The following SLC14A2 variants were observed in gnomAD, a reference collection of about 807,000 sequenced individuals.
SLC14A2 encodes urea transporter 2.
In SLC14A2, 91 loss-of-function variants were observed where a neutral mutation model predicts 104.6. The ratio of observed to expected loss-of-function variants is 0.87; its 90% CI spans 0.73 to 1.04. SLC14A2 has a LOEUF of 1.04. SLC14A2 is among the 50% of genes least tolerant of loss of function. The probability of loss-of-function intolerance (pLI) is 0.00; values close to 1 mark genes in which losing one functional copy is unlikely to be tolerated. For synonymous variants in SLC14A2, 476 were observed against 466.4 expected, an observed-to-expected ratio of 1.02 and a Z score of -0.27; for missense variants, 1,189 against 1,156.0, an observed-to-expected ratio of 1.03 and a Z score of -0.41.
At chr18:45,585,748 C>A (rs1347709753) in intron 2 of SLC14A2, among the ~76,000 whole-genome samples, 2 of 152,192 alleles carry the variant, frequency 1.3e-5, no homozygotes, top group Admixed American at 1.3e-4. Flanking sequence ...TCCCTCCCTA[C>A]TGCAGATACC....
intron 1 of SLC14A2, among the ~76,000 whole-genome samples, chr18:45,241,882 A>G (rs1422412108): frequency 6.6e-6 from 1 of 151,952 alleles, no homozygotes; most frequent in East Asian, 1.9e-4. Flanking sequence ...ACCTCAGGTG[A>G]TTCACCTGCC....
intron 2 of SLC14A2, among the ~76,000 whole-genome samples, chr18:45,565,721 C>A (rs1363280404): frequency 6.6e-6 from 1 of 152,200 alleles, no homozygotes; most frequent in Admixed American, 6.5e-5. Flanking sequence ...ACAGCCAGGG[C>A]TGAATCAGTG....
At chr18:45,606,399 G>A (rs1872359) in intron 2 of SLC14A2, among the ~76,000 whole-genome samples, 109,849 of 151,362 alleles carry the variant, frequency 0.73, 40,046 homozygotes, top group East Asian at 0.85. Context: ...GCAGGGTTGC[G>A]GGAGGGAGCT....
At chr18:45,399,303 A>T (rs76372645) in intron 1 of SLC14A2, among the ~76,000 whole-genome samples, 126 of 152,310 alleles carry the variant, frequency 8.3e-4, no homozygotes, top group African/African-American at 2.9e-3. Context: ...CACATTCCCT[A>T]GGCCTTAGTT....
At chr18:45,390,650 G>C (rs1206904180) in intron 1 of SLC14A2, among the ~76,000 whole-genome samples, 1 of 152,148 alleles carries the variant, frequency 6.6e-6, no homozygotes, top group Non-Finnish European at 1.5e-5. Flanking sequence ...TAGGAGGTGA[G>C]GGTGAATACG....
At chr18:45,195,095 A>G in the SLC14A2 span, among the ~76,000 whole-genome samples, 1 of 152,164 alleles carries the variant, frequency 6.6e-6, no homozygotes, top group Non-Finnish European at 1.5e-5. Context: ...TACTGAAACT[A>G]TTGACTCTGG....
chr18:45,554,183 A>G (rs2044095726), intron 2 of SLC14A2, among the ~76,000 whole-genome samples: 1 of 152,234 alleles, frequency 6.6e-6, no homozygotes, highest in Admixed American at 6.5e-5. Context: ...ACTGGCTTCC[A>G]CGTGATATGA....
chr18:45,553,280 A>T (rs2044081136), intron 2 of SLC14A2, among the ~76,000 whole-genome samples: 1 of 152,212 alleles, frequency 6.6e-6, no homozygotes, highest in East Asian at 1.9e-4. Flanking sequence ...TGTACATACA[A>T]ATAGTTGATT....
chr18:45,524,281 A>G (rs2043559681), intron 2 of SLC14A2, among the ~76,000 whole-genome samples: 1 of 152,236 alleles, frequency 6.6e-6, no homozygotes, highest in South Asian at 2.1e-4. Context: ...AGTGCCCTCA[A>G]CACCTCAACA....
At chr18:45,432,682 G>A (rs1266679718) in intron 1 of SLC14A2, among the ~76,000 whole-genome samples, 1 of 152,138 alleles carries the variant, frequency 6.6e-6, no homozygotes, top group African/African-American at 2.4e-5. Context: ...CATGATTCCT[G>A]CACAGACCTG....
chr18:45,375,924 T>A (rs4890283), intron 1 of SLC14A2, among the ~76,000 whole-genome samples: 1 of 152,154 alleles, frequency 6.6e-6, no homozygotes, highest in Non-Finnish European at 1.5e-5. Flanking sequence ...CAAGCAACAG[T>A]GCATGCCCAC....
chr18:45,185,771 T>G, the SLC14A2 span, among the ~76,000 whole-genome samples: 1 of 152,128 alleles, frequency 6.6e-6, no homozygotes, highest in Non-Finnish European at 1.5e-5. Flanking sequence ...TTATGAGAAC[T>G]AATAAGTGAA....
At chr18:45,347,048 A>G (rs1157864587) in intron 1 of SLC14A2, among the ~76,000 whole-genome samples, 1 of 151,998 alleles carries the variant, frequency 6.6e-6, no homozygotes, top group Non-Finnish European at 1.5e-5. Context: ...CCTCATGATT[A>G]TATTTTCTTT....
intron 1 of SLC14A2, among the ~76,000 whole-genome samples, chr18:45,265,887 G>A (rs1301470013): frequency 6.6e-6 from 1 of 152,098 alleles, no homozygotes; most frequent in Non-Finnish European, 1.5e-5. Flanking sequence ...TACGTGCTAG[G>A]GAGAGAACAG....
At chr18:45,169,545 C>T in the SLC14A2 span, among the ~76,000 whole-genome samples, 6 of 152,172 alleles carry the variant, frequency 3.9e-5, no homozygotes, top group African/African-American at 1.4e-4. Flanking sequence ...GTCAGAGTTA[C>T]ATTAGGTTTT....
chr18:45,640,878 A>G (rs2045515781), intron 7 of SLC14A2, among the ~76,000 whole-genome samples: 1 of 152,108 alleles, frequency 6.6e-6, no homozygotes, highest in Non-Finnish European at 1.5e-5. Context: ...AACTCTTCAA[A>G]CCTTTTTGGA....
intron 2 of SLC14A2, among the ~76,000 whole-genome samples, chr18:45,564,886 C>T (rs2044245683): frequency 6.6e-6 from 1 of 152,098 alleles, no homozygotes; most frequent in Non-Finnish European, 1.5e-5. Flanking sequence ...AGCAGTATAA[C>T]AATTCAAACA....
intron 10 of SLC14A2, chr18:45,646,654 A>C (rs1200362417): frequency 6.6e-6 from 1 of 151,288 alleles, no homozygotes; most frequent in South Asian, 2.1e-4. Flanking sequence ...TTTCCCACCA[A>C]CTCCCCCCAT....
intron 1 of SLC14A2, among the ~76,000 whole-genome samples, chr18:45,269,875 A>G (rs2084632644): frequency 1.3e-5 from 2 of 152,198 alleles, no homozygotes; most frequent in South Asian, 4.1e-4. Context: ...TTTATCATGT[A>G]TTAGAGAGTG....
Sources: gnomAD v4.1 joint callset for allele counts (sites outside exome capture counted in the v4.1 genomes callset) on GRCh38, gnomAD v4.1.1 for gene constraint, MANE v1.5 for transcripts, NCBI Gene and HGNC (gene_info 2026-07-23, HGNC 2026-07-21) for gene names.